The following RASA2 variants were observed in gnomAD, a reference collection of about 807,000 sequenced individuals.
RASA2 encodes ras GTPase-activating protein 2.
In RASA2, 155 loss-of-function variants were observed where a neutral mutation model predicts 118.2. The observed-to-expected ratio is 1.31, with a 90% CI of 1.15 to 1.50. RASA2 has a LOEUF of 1.50. RASA2 is among the 40% of genes most tolerant of loss of function. The pLI is 0.00. For synonymous variants in RASA2, 353 were observed against 349.1 expected (o/e 1.01, Z -0.12); for missense variants, 1,016 against 1,009.6 (o/e 1.01, Z -0.09).
intron 3 of RASA2, among the ~76,000 whole-genome samples, chr3:141,520,395 G>A (rs549678096): frequency 6.6e-6 from 1 of 152,224 alleles, no homozygotes; most frequent in East Asian, 1.9e-4. Flanking sequence ...TGCTGGAGGA[G>A]GGTGATAGAA....
rs185592030 is a variant in RASA2 at position 141,529,766 on chromosome 3, T to C, written c.414T>C (p.Phe138=). ...ATCACAGTGGCAAAGAAACTTGGTT[T>C]TCATTACAGCCTGTTGACTCCAATT... ...LCNHSGKETW[F]SLQPVDSNSE... Residue 138 remains phenylalanine (F), a synonymous_variant, in exon 4 of 24, where the codon TTT becomes TTC. Coordinates refer to ENST00000286364, the MANE Select transcript of RASA2 (RefSeq NM_006506.5). 25 of 1,612,168 alleles carry C rather than the reference T, an allele frequency of 1.6e-5. No homozygotes were observed. In the African/African-American group the frequency reaches 2.5e-4, roughly 16 times the overall value.
At chr3:141,606,522 A>G (rs1049657130) in intron 19 of RASA2, among the ~76,000 whole-genome samples, 4 of 152,162 alleles carry the variant, frequency 2.6e-5, no homozygotes, top group African/African-American at 9.7e-5. Flanking sequence ...GGAGCCTTAT[A>G]TGATCTATTT....
chr3:141,597,470 T>C (rs573955515), intron 19 of RASA2, among the ~76,000 whole-genome samples: 5 of 152,220 alleles, frequency 3.3e-5, no homozygotes, highest in African/African-American at 9.6e-5. Context: ...AAGTAGCCGA[T>C]TGGGGTATAA....
chr3:141,511,813 G>T (rs1434868170), intron 1 of RASA2, among the ~76,000 whole-genome samples: 1 of 152,104 alleles, frequency 6.6e-6, no homozygotes, highest in Non-Finnish European at 1.5e-5. Context: ...GATCGCTAGA[G>T]AGGAAAATTA....
At chr3:141,594,456 A>G (rs1227005843) in intron 19 of RASA2, among the ~76,000 whole-genome samples, 2 of 152,148 alleles carry the variant, frequency 1.3e-5, no homozygotes, top group Admixed American at 1.3e-4. Context: ...TGCAAGCATG[A>G]TAAACGCAAA....
At chr3:141,600,959 A>G (rs148324562) in intron 19 of RASA2, among the ~76,000 whole-genome samples, 52 of 152,334 alleles carry the variant, frequency 3.4e-4, no homozygotes, top group East Asian at 2.5e-3. Context: ...AAAGAGATCA[A>G]TGGACAGAGC....
At chr3:141,492,499 T>C (rs907896910) in intron 1 of RASA2, among the ~76,000 whole-genome samples, 1 of 152,342 alleles carries the variant, frequency 6.6e-6, no homozygotes, top group Admixed American at 6.5e-5. Context: ...TTTGTATCAG[T>C]ACACATACAG....
intron 5 of RASA2, among the ~76,000 whole-genome samples, chr3:141,552,696 A>C (rs2082592061): frequency 6.6e-6 from 1 of 152,110 alleles, no homozygotes; most frequent in Non-Finnish European, 1.5e-5. Context: ...TAGTTTCAAA[A>C]TTTCTTTCTT....
At chr3:141,502,285 T>G (rs991773748) in intron 1 of RASA2, among the ~76,000 whole-genome samples, 1 of 152,180 alleles carries the variant, frequency 6.6e-6, no homozygotes, top group Non-Finnish European at 1.5e-5. Context: ...TTTTCTTTCC[T>G]CCTATCTCCC....
chr3:141,500,457 A>C (rs2081762837), intron 1 of RASA2, among the ~76,000 whole-genome samples: 1 of 152,244 alleles, frequency 6.6e-6, no homozygotes, highest in Non-Finnish European at 1.5e-5. Context: ...AGGCTAAGGT[A>C]GCATGTTTAA....
intron 9 of RASA2, among the ~76,000 whole-genome samples, chr3:141,562,910 A>T (rs1266231752): frequency 6.6e-6 from 1 of 152,022 alleles, no homozygotes; most frequent in African/African-American, 2.4e-5. Flanking sequence ...TGACCTCTTG[A>T]TCCCCCCGCC....
chr3:141,537,648 A>G (rs952418265), intron 4 of RASA2, among the ~76,000 whole-genome samples: 17 of 152,208 alleles, frequency 1.1e-4, no homozygotes, highest in Non-Finnish European at 2.4e-4. Flanking sequence ...ACATGCCTGT[A>G]GTCCCAGCTA....
chr3:141,514,375 G>C (rs1383203685), intron 2 of RASA2, among the ~76,000 whole-genome samples: 1 of 152,186 alleles, frequency 6.6e-6, no homozygotes, highest in African/African-American at 2.4e-5. Context: ...ATAATCTGCA[G>C]TGATAGAAAT....
At chr3:141,498,660 G>A (rs549526711) in intron 1 of RASA2, among the ~76,000 whole-genome samples, 3 of 151,884 alleles carry the variant, frequency 2.0e-5, no homozygotes, top group Non-Finnish European at 4.4e-5. Flanking sequence ...TTTTGTGGAG[G>A]GGGGGCGAAG....
At chr3:141,557,756 A>T (rs2082671333) in intron 7 of RASA2, among the ~76,000 whole-genome samples, 1 of 152,196 alleles carries the variant, frequency 6.6e-6, no homozygotes, top group Admixed American at 6.5e-5. Context: ...TGCTATGGAA[A>T]TAGAGAGGAA....
At chr3:141,537,951 A>G (rs1171091148) in intron 4 of RASA2, among the ~76,000 whole-genome samples, 1 of 152,108 alleles carries the variant, frequency 6.6e-6, no homozygotes, top group Non-Finnish European at 1.5e-5. Flanking sequence ...TGAATGGTAT[A>G]TTTCCTCTAG....
chr3:141,590,122 TAA>T (rs2083266120), intron 19 of RASA2: 1 of 456,550 alleles, frequency 2.2e-6, no homozygotes, highest in Non-Finnish European at 4.4e-6. Context: ...CCCTGCCTTC[TAA>T]AAAAGAGTTC....
At chr3:141,541,136 C>A (rs2082399327) in intron 5 of RASA2, among the ~76,000 whole-genome samples, 1 of 152,146 alleles carries the variant, frequency 6.6e-6, no homozygotes, top group Non-Finnish European at 1.5e-5. Context: ...CAAACCCTTA[C>A]TCTGTGATAT....
In RASA2 at chr3:141,612,467, ATTGT is replaced by A. The variant is rs2083667588; in HGVS notation, c.*158_*161del. 8.3e-6 allele frequency: 5 copies of A among 603,402 alleles called. 1 individual carries two copies. In the South Asian group the frequency reaches 1.3e-4, roughly 16 times the overall value. 37.4% of individuals were successfully genotyped at this position (603,402 alleles called of 1,614,324 possible). A position where few individuals can be genotyped will look rare whatever the true frequency, so the allele number is the denominator to read the frequency against. On this transcript the variant is annotated 3_prime_UTR_variant, in exon 24 of 24. Coordinates refer to ENST00000286364, the MANE Select transcript of RASA2 (RefSeq NM_006506.5). The stretch of plus-strand genomic sequence containing the variant: ...ATTTAATATTTAATAATTGAAATTA[ATTGT>A]TTGGGAATCCTGGTATTGATGTATT...
Sources: allele counts gnomAD v4.1 joint callset (sites outside exome capture counted in the v4.1 genomes callset), GRCh38; gene constraint gnomAD v4.1.1; transcripts MANE v1.5; gene names NCBI Gene and HGNC (gene_info 2026-07-23, HGNC 2026-07-21).